AIG1: variants seen among roughly 807,000 people sequenced by gnomAD.
AIG1 encodes androgen induced 1, also known as androgen-induced gene 1 protein.
A neutral mutation model predicts 31.4 loss-of-function variants in AIG1; 23 were observed. The observed-to-expected ratio is 0.73, with a 90% CI of 0.53 to 1.04. The LOEUF (loss-of-function observed/expected upper bound fraction) is 1.04. AIG1 is among the 50% of genes least tolerant of loss of function. The pLI, the probability that AIG1 is intolerant of heterozygous loss-of-function variation, is 0.00. For missense variants in AIG1, 274 were observed against 295.0 expected, an observed-to-expected ratio of 0.93 and a Z score of 0.52; for synonymous variants, 100 against 110.5, an observed-to-expected ratio of 0.90 and a Z score of 0.60.
intron 3 of AIG1, among the ~76,000 whole-genome samples, chr6:143,233,080 T>C (rs538984469): frequency 5.3e-5 from 8 of 151,722 alleles, no homozygotes; most frequent in South Asian, 2.1e-4. Context: ...TCTGGTGGAG[T>C]TGATATCCAT....
chr6:143,061,168 A>G (rs1776218652), intron 1 of AIG1, 102 bp downstream of exon 1: 1 of 1,425,842 alleles, frequency 7.0e-7, no homozygotes, highest in South Asian at 1.1e-5. Context: ...GCACCTGCGC[A>G]CGTGCGCGCC....
chr6:143,153,998 C>T (rs1302691159), intron 2 of AIG1, among the ~76,000 whole-genome samples: 3 of 151,554 alleles, frequency 2.0e-5, no homozygotes, highest in Admixed American at 2.0e-4. Flanking sequence ...TGCCTATAAT[C>T]CCAGCACTTT....
At position 143,279,570 on chromosome 6, in the gene AIG1, G is replaced by A. The variant is rs115999891; in HGVS notation, c.400-4540G>A. On this transcript the variant is annotated intron_variant, in intron 3 of 5. Coordinates refer to ENST00000357847, the MANE Select transcript of AIG1 (RefSeq NM_016108.4). The surrounding 1 kb of genome is among the most constrained non-coding windows in gnomAD (Gnocchi z 5.4). The stretch of plus-strand genomic sequence containing the variant: ...AATCCAGCCCCACCTCAGGTGTGAG[G>A]ACTGCTCTGTGTGGAGGTGACACCC... Among the ~76,000 whole-genome samples the A allele has an allele frequency of 2.8e-3, 426 of 152,266 alleles. No individual in the cohort carries two copies. Among genetic ancestry groups the A allele is most frequent in the African/African-American group, 0.01 (416 of 41,518 alleles).
At chr6:143,251,555 G>A (rs547629863) in intron 3 of AIG1, among the ~76,000 whole-genome samples, 33 of 152,096 alleles carry the variant, frequency 2.2e-4, no homozygotes, top group Non-Finnish European at 4.1e-4. Context: ...AGCCTTCTGA[G>A]GTCACTGGGC....
At chr6:143,237,526 GA>G (rs775935460) in intron 3 of AIG1, among the ~76,000 whole-genome samples, 119 of 152,274 alleles carry the variant, frequency 7.8e-4, no homozygotes, top group Admixed American at 1.8e-3. Flanking sequence ...CTTGAAATCA[GA>G]AAAGCAGGAT....
In AIG1 at chr6:143,227,510, A is replaced by G. The variant is rs1056538155; in HGVS notation, c.400-56600A>G. ...AAAATTCTAAATTCTTGGATCTAAG[A>G]GATTGTAAAATTGAAAAAACAAAAG... On this transcript the variant is annotated intron_variant, in intron 3 of 5. Coordinates refer to ENST00000357847, the MANE Select transcript of AIG1 (RefSeq NM_016108.4). Among the ~76,000 whole-genome samples, 58 of 152,298 alleles carry G rather than the reference A, an allele frequency of 3.8e-4. 1 individual carries two copies. Among genetic ancestry groups the G allele is most frequent in the Non-Finnish European group, 1.5e-5 (1 of 68,024 alleles).
rs908883650 is a variant in AIG1 at position 143,292,861 on chromosome 6, G to A, written c.515+8636G>A. 6.6e-6 allele frequency among the ~76,000 whole-genome samples: 1 copy of A among 152,110 alleles called. No individual in the cohort carries two copies. Among genetic ancestry groups the A allele is most frequent in the Non-Finnish European group, 1.5e-5 (1 of 68,024 alleles). On this transcript the variant is annotated intron_variant, in intron 4 of 5. Coordinates refer to ENST00000357847, the MANE Select transcript of AIG1 (RefSeq NM_016108.4). The surrounding 1 kb of genome is among the most constrained non-coding windows in gnomAD (Gnocchi z 4.9). ...GTGGCCATTGTTGTTCTGTTTATAC[G>A]CTAGGAATACTCCATCCTAAGAGAG...
intron 3 of AIG1, among the ~76,000 whole-genome samples, chr6:143,203,688 T>G (rs1790880961): frequency 6.6e-6 from 1 of 152,172 alleles, no homozygotes; most frequent in Non-Finnish European, 1.5e-5. Context: ...TCTCACAGTC[T>G]CAGATATCCA....
intron 3 of AIG1, among the ~76,000 whole-genome samples, chr6:143,223,873 C>A (rs1017481031): frequency 2.6e-5 from 4 of 152,098 alleles, no homozygotes; most frequent in Admixed American, 2.6e-4. Context: ...TACTGGAAAT[C>A]AGTCTAGTCA....
At position 143,333,160 on chromosome 6, in the gene AIG1, C is replaced by G; in HGVS notation, c.516-122C>G. On this transcript the variant is annotated intron_variant, in intron 4 of 5. Transcript: ENST00000357847. This position sits in a 1 kb window ranked among gnomAD's most constrained non-coding sequence, Gnocchi z 4.6. Reference sequence around the variant, plus strand: ...GTAGCTCCTGAGTATCAGAAGCGAACTTGAGACTGGCAAATGCTGAAGCAT... The same window carrying G: ...GTAGCTCCTGAGTATCAGAAGCGAAGTTGAGACTGGCAAATGCTGAAGCAT... 1 of 1,020,380 alleles carries G rather than the reference C, an allele frequency of 9.8e-7. No individual in the cohort carries two copies. The highest frequency in any genetic ancestry group is 1.7e-5 in the African/African-American group (1 of 60,258). 63.2% of individuals were successfully genotyped at this position (1,020,380 alleles called of 1,614,324 possible).
chr6:143,294,707 C>T (rs1798301004), intron 4 of AIG1, among the ~76,000 whole-genome samples: 1 of 152,160 alleles, frequency 6.6e-6, no homozygotes, highest in Non-Finnish European at 1.5e-5. Flanking sequence ...CTCTGTAGAC[C>T]TCTTCTCAAT....
intron 4 of AIG1, among the ~76,000 whole-genome samples, chr6:143,306,283 T>G (rs373402456): frequency 0.097 from 14,780 of 151,918 alleles, 721 homozygotes; most frequent in South Asian, 0.11. Flanking sequence ...GTTAGCTGGT[T>G]ATTTTGCTCA....
chr6:143,225,160 C>T (rs369212623), intron 3 of AIG1, among the ~76,000 whole-genome samples: 1 of 152,192 alleles, frequency 6.6e-6, no homozygotes, highest in African/African-American at 2.4e-5. Context: ...CTGTTCAAAT[C>T]CACTGTCCTT....
chr6:143,272,267 AC>A (rs1796577817), intron 3 of AIG1, among the ~76,000 whole-genome samples: 1 of 152,168 alleles, frequency 6.6e-6, no homozygotes, highest in Non-Finnish European at 1.5e-5. Context: ...AGGCTAACTT[AC>A]CCGAAGATAG....
downstream of AIG1, chr6:143,342,601 T>C: frequency 9.4e-7 from 1 of 1,068,542 alleles, no homozygotes; most frequent in South Asian, 1.3e-5. Flanking sequence ...AGCTGCTATT[T>C]GGCAATACGA....
rs78309387 is a variant in AIG1, at chr6:143,178,113, G to T, written c.399+12930G>T. Among the ~76,000 whole-genome samples the T allele has an allele frequency of 8.6e-3, 1,309 of 152,280 alleles. 21 individuals are homozygous for T. The highest frequency in any genetic ancestry group is 0.03 in the African/African-American group (1,247 of 41,560). On this transcript the variant is annotated intron_variant, in intron 3 of 5. Transcript: ENST00000357847. ...TTGGATTCTGAGGAGTGCGTGCATT[G>T]CCTCCCTCTTTTCCGTGGGCAGCCT... is the stretch of plus-strand genomic sequence containing the variant.
chr6:143,327,227 G>C lies in AIG1; in HGVS notation c.516-6055G>C. 1 of 183,080 alleles carries C rather than the reference G, an allele frequency of 5.5e-6. No homozygotes were observed. The highest frequency in any genetic ancestry group is 1.1e-5 in the Non-Finnish European group (1 of 88,862). The allele number at this position is 183,080 out of a possible 1,614,324, so 11.3% of individuals were successfully genotyped here. A position where few individuals can be genotyped will look rare whatever the true frequency, so the allele number is the denominator to read the frequency against. ...GGTAACCTTGATAAGACAAGCTAATGGATTGGACAATCGCTACACTCTTCC... is the reference window on the plus strand; with the variant it reads ...GGTAACCTTGATAAGACAAGCTAATCGATTGGACAATCGCTACACTCTTCC... On this transcript the variant is annotated intron_variant, in intron 4 of 5. Transcript: ENST00000357847. The surrounding 1 kb of genome is among the most constrained non-coding windows in gnomAD (Gnocchi z 5.3).
At chr6:143,190,902 G>A (rs1789732705) in intron 3 of AIG1, among the ~76,000 whole-genome samples, 1 of 152,042 alleles carries the variant, frequency 6.6e-6, no homozygotes, top group Non-Finnish European at 1.5e-5. Context: ...CATTAATGTT[G>A]GTCAACCCTG....
intron 3 of AIG1, among the ~76,000 whole-genome samples, chr6:143,200,890 C>A (rs923660959): frequency 2.0e-5 from 3 of 151,388 alleles, no homozygotes; most frequent in African/African-American, 7.3e-5. Context: ...AACAAAGCAC[C>A]CACATTTATA....
Sources: gnomAD v4.1 joint callset for allele counts (sites outside exome capture counted in the v4.1 genomes callset) on GRCh38, gnomAD v4.1.1 for gene constraint, Gnocchi (gnomAD v3.1) non-coding constraint, MANE v1.5 for transcripts, NCBI Gene and HGNC (gene_info 2026-07-23, HGNC 2026-07-21) for gene names.